The following GAS5 variants were observed in gnomAD, a reference collection of about 807,000 sequenced individuals.
GAS5 encodes growth arrest specific 5.
At chr1:173,864,245 T>C (rs775834778) in intron 7 of GAS5, 1 of 515,048 alleles carries the variant, frequency 1.9e-6, no homozygotes, top group Non-Finnish European at 3.9e-6. Context: ...TCCCAACATT[T>C]CCAATCCTCA....
chr1:173,867,193 G>A, upstream of GAS5: 2 of 558,012 alleles, frequency 3.6e-6, no homozygotes, highest in South Asian at 2.5e-5. Context: ...TACACTTAAT[G>A]TTACAAAGAA....
upstream of GAS5, chr1:173,868,144 T>C: frequency 6.4e-6 from 1 of 156,170 alleles, no homozygotes; most frequent in Admixed American, 6.5e-5. Flanking sequence ...GTCCGCCCCT[T>C]TTCCCCGCCC....
At chr1:173,865,798 T>C in intron 5 of GAS5, 1 of 516,502 alleles carries the variant, frequency 1.9e-6, no homozygotes, top group Non-Finnish European at 3.9e-6. Context: ...AGCTCAGCAG[T>C]AAGCATATCA....
At chr1:173,863,913 ATTT>A (rs2102672545) in intron 7 of GAS5, 1 of 261,324 alleles carries the variant, frequency 3.8e-6, no homozygotes, top group Non-Finnish European at 7.8e-6. Flanking sequence ...GATTGCAAAA[ATTT>A]ATTAAAATTG....
At chr1:173,867,979 A>ACT (rs1279051257), upstream of GAS5, 2 of 332,868 alleles carry the variant, frequency 6.0e-6, no homozygotes, top group Non-Finnish European at 1.2e-5. Flanking sequence ...GTCGACTCCT[A>ACT]CCTCGAAAAG....
chr1:173,864,410 T>C (rs752355813), intron 6 of GAS5: 3 of 518,960 alleles, frequency 5.8e-6, no homozygotes, highest in Admixed American at 1.9e-5. Flanking sequence ...GTGATATCAT[T>C]ATATTTCATT....
At chr1:173,866,941 GACC>G (rs1416263578) in intron 1 of GAS5, 1 of 765,418 alleles carries the variant, frequency 1.3e-6, no homozygotes, top group Non-Finnish European at 2.4e-6. Context: ...CACAGGCTGA[GACC>G]ACCTCTTAGA....
chr1:173,866,613 TC>T (rs1298204666), intron 2 of GAS5: 1 of 763,950 alleles, frequency 1.3e-6, no homozygotes, highest in Non-Finnish European at 2.4e-6. Context: ...CTCTCTATGT[TC>T]CCCAACTCAC....
At chr1:173,866,509 C>T (rs1654678600) in intron 3 of GAS5, 1 of 683,154 alleles carries the variant, frequency 1.5e-6, no homozygotes, top group African/African-American at 1.8e-5. Context: ...GTGAGAAGTA[C>T]AAAATAGAGG....
upstream of GAS5, chr1:173,868,081 T>G (rs1288433554): frequency 5.8e-6 from 1 of 171,662 alleles, no homozygotes; most frequent in East Asian, 1.7e-4. Context: ...CTCCTCCCCC[T>G]AACCTCCCTC....
chr1:173,866,321 A>G lies in GAS5; in HGVS notation n.132-115T>C, dbSNP rs781479641. On this transcript the variant is annotated intron_variant and non_coding_transcript_variant, in intron 3 of 7. Coordinates refer to ENST00000651080, the Ensembl canonical transcript of GAS5. ...ACCCCAGATACATCAGACAGATAGT[A>G]CATCTCTTCATGATTAAATCTGCTG... is the stretch of plus-strand genomic sequence containing the variant. 9 of 518,690 alleles carry G rather than the reference A, an allele frequency of 1.7e-5. 1 individual carries two copies. Among genetic ancestry groups the G allele is most frequent in the South Asian group, 8.4e-5 (6 of 71,516 alleles). The allele number at this position is 518,690 out of a possible 1,614,324, so 32.1% of individuals were successfully genotyped here. A position where few individuals can be genotyped will look rare whatever the true frequency, so the allele number is the denominator to read the frequency against.
At chr1:173,864,917 C>T (rs758613420) in intron 6 of GAS5, 79 of 517,592 alleles carry the variant, frequency 1.5e-4, no homozygotes, top group South Asian at 1.0e-3. Context: ...GGCTTTACAA[C>T]ACTTAAAAAC....
upstream of GAS5, chr1:173,867,789 T>C: frequency 5.8e-6 from 3 of 519,044 alleles, no homozygotes; most frequent in Non-Finnish European, 1.2e-5. Context: ...TCTAACATAG[T>C]CGCAGCTTAG....
chr1:173,866,655 G>A, intron 2 of GAS5: 2 of 764,496 alleles, frequency 2.6e-6, no homozygotes, highest in South Asian at 1.4e-5. Context: ...AGATAATGGT[G>A]GTTAAGATCC....
intron 7 of GAS5, chr1:173,864,027 G>A: frequency 5.4e-6 from 2 of 372,046 alleles, no homozygotes; most frequent in South Asian, 4.0e-5. Flanking sequence ...GTTTGAGGCT[G>A]TAGTAAGCTT....
upstream of GAS5, chr1:173,867,084 GTTCT>G (rs1654833940): frequency 5.7e-5 from 37 of 652,528 alleles, 1 homozygote; most frequent in South Asian, 4.7e-4. Flanking sequence ...TTGTTCCACG[GTTCT>G]TTTTTTTAAA....
At chr1:173,864,786 CTA>C (rs1219122437) in intron 6 of GAS5, 1 of 518,014 alleles carries the variant, frequency 1.9e-6, no homozygotes, top group Non-Finnish European at 3.9e-6. Context: ...TATAGAATGG[CTA>C]TATTCCCCTT....
upstream of GAS5, chr1:173,867,956 A>T (rs976765708): frequency 2.8e-6 from 1 of 355,378 alleles, no homozygotes; most frequent in African/African-American, 2.1e-5. Context: ...AAGATAAAAC[A>T]TACCTCACAG....
chr1:173,867,704 A>T (rs764314847), upstream of GAS5: 3 of 518,716 alleles, frequency 5.8e-6, no homozygotes, highest in Non-Finnish European at 1.2e-5. Flanking sequence ...ATTCATCATT[A>T]CTCTCAGATG....
Sources: allele counts gnomAD v4.1 joint callset, GRCh38; gene constraint gnomAD v4.1.1; transcripts MANE v1.5; gene names NCBI Gene and HGNC (gene_info 2026-07-23, HGNC 2026-07-21).